The following RIPK4 variants were observed in gnomAD, a reference collection of about 807,000 sequenced individuals.
The protein encoded by RIPK4 is receptor-interacting serine/threonine-protein kinase 4.
In RIPK4, 17 loss-of-function variants were observed where a neutral mutation model predicts 42.9. The ratio of observed to expected loss-of-function variants is 0.40; its 90% CI spans 0.27 to 0.59. The LOEUF (loss-of-function observed/expected upper bound fraction) is 0.59. RIPK4 is among the 20% of genes least tolerant of loss of function. RIPK4 has a pLI of 0.47. For synonymous variants in RIPK4, 498 were observed against 499.1 expected (o/e 1.00, Z 0.03); for missense variants, 897 against 1,104.4 (o/e 0.81, Z 2.66).
chr21:41,749,324 C>A (rs2061181134), intron 3 of RIPK4, 121 bp from the exon 4 acceptor site: 4 of 905,418 alleles, frequency 4.4e-6, no homozygotes, highest in South Asian at 2.8e-5. Flanking sequence ...AGAGCCATGA[C>A]ACCGAGATAT....
At chr21:41,752,510 A>G (rs1408209328) in intron 2 of RIPK4, among the ~76,000 whole-genome samples, 2 of 152,146 alleles carry the variant, frequency 1.3e-5, no homozygotes, top group Non-Finnish European at 1.5e-5. Flanking sequence ...CCTCGACTCC[A>G]GCGGCTCTCA....
rs1164430461 is a variant in RIPK4 at position 41,756,615 on chromosome 21, G to A, written c.384C>T (p.Gly128=). 24 of 1,613,860 alleles carry A rather than the reference G, an allele frequency of 1.5e-5. No homozygotes were observed. The highest frequency in any genetic ancestry group is 1.9e-5 in the Non-Finnish European group (23 of 1,180,026). Residue 128 remains glycine, a synonymous_variant, in exon 2 of 8, where the codon GGC becomes GGT. Coordinates refer to ENST00000332512, the MANE Select transcript of RIPK4 (RefSeq NM_020639.3). ...RFRIIHETAV[G]MNFLHCMAPP... ...GGGCCATGCAGTGCAGGAAGTTCAT[G>A]CCCACCGCCGTCTCGTGGATGATTC...
rs531933391 is a variant in RIPK4, at chr21:41,755,726, T to C, written c.474+799A>G. Reference sequence around the variant, plus strand: ...TATCACCCTGGGCCTCCCAAGAGCATGTGAACATCACCACGTGGGGAAAAA... The same window carrying C: ...TATCACCCTGGGCCTCCCAAGAGCACGTGAACATCACCACGTGGGGAAAAA... On this transcript the variant is annotated intron_variant, in intron 2 of 7. Coordinates refer to ENST00000332512, the MANE Select transcript of RIPK4 (RefSeq NM_020639.3). The surrounding 1 kb of genome is among the most constrained non-coding windows in gnomAD (Gnocchi z 4.2). Among the ~76,000 whole-genome samples, 1 of 152,302 alleles carries C rather than the reference T, an allele frequency of 6.6e-6. No homozygotes were observed. The highest frequency in any genetic ancestry group is 2.4e-5 in the African/African-American group (1 of 41,554).
intron 2 of RIPK4, among the ~76,000 whole-genome samples, chr21:41,754,094 A>G (rs1601680978): frequency 6.6e-6 from 1 of 152,206 alleles, no homozygotes; most frequent in Admixed American, 6.5e-5. Context: ...GGCGAATGGC[A>G]GCACTGGAAT....
chr21:41,745,627 T>C (rs1377054790), intron 6 of RIPK4, 132 bp downstream of exon 6: 3 of 661,452 alleles, frequency 4.5e-6, no homozygotes, highest in Non-Finnish European at 8.0e-6. Flanking sequence ...TCTAATGGAG[T>C]TGGGTGCGGG....
intron 7 of RIPK4, among the ~76,000 whole-genome samples, chr21:41,743,532 G>A (rs972762917): frequency 2.0e-5 from 3 of 152,214 alleles, no homozygotes; most frequent in East Asian, 1.9e-4. Context: ...TGCCACGCCC[G>A]AGACAGGAGG....
chr21:41,744,084 G>T lies in RIPK4; in HGVS notation c.993C>A (p.Ser331Arg). 1.2e-6 allele frequency: 2 copies of T among 1,609,816 alleles called. No individual in the cohort carries two copies. The highest frequency in any genetic ancestry group is 1.7e-6 in the Non-Finnish European group (2 of 1,177,742). ...CCAGCTGTGAGAGCAGCTCGGAGAG[G>T]CTGTAGTCGTTATCGAAGGTGGGGG... is the stretch of plus-strand genomic sequence containing the variant. ...ASAPTFDNDY[S>R]LSELLSQLDS... Residue 331 changes from serine to arginine, a missense_variant, in exon 7 of 8, where the codon AGC (serine) becomes AGA (arginine). Transcript: ENST00000332512.
At chr21:41,759,800 C>CA (rs1297030784) in intron 1 of RIPK4, among the ~76,000 whole-genome samples, 1 of 152,216 alleles carries the variant, frequency 6.6e-6, no homozygotes, top group African/African-American at 2.4e-5. Flanking sequence ...CTTCCCTTAC[C>CA]ATAGTGAAAA....
In RIPK4 at chr21:41,740,486, A is replaced by G; in HGVS notation, c.*352T>C. 3.9e-6 allele frequency: 1 copy of G among 257,426 alleles called. No individual in the cohort carries two copies. The highest frequency in any genetic ancestry group is 7.3e-6 in the Non-Finnish European group (1 of 136,274). The allele number at this position is 257,426 out of a possible 1,614,324, so 15.9% of individuals were successfully genotyped here. A position where few individuals can be genotyped will look rare whatever the true frequency, so the allele number is the denominator to read the frequency against. Reference sequence around the variant, plus strand: ...CAAGACTGGTGAGCTCCAGCAACCCAAGGTGGCTCGCCTCAGGAGAGAGTG... The same window carrying G: ...CAAGACTGGTGAGCTCCAGCAACCCGAGGTGGCTCGCCTCAGGAGAGAGTG... On this transcript the variant is annotated 3_prime_UTR_variant, in exon 8 of 8. Transcript: ENST00000332512.
At chr21:41,752,086 T>C (rs144218476) in intron 2 of RIPK4, among the ~76,000 whole-genome samples, 1 of 152,224 alleles carries the variant, frequency 6.6e-6, no homozygotes, top group Non-Finnish European at 1.5e-5. Flanking sequence ...GCCAGTGTCC[T>C]ACCCTCTCCA....
At position 41,756,959 on chromosome 21, in the gene RIPK4, C is replaced by A. The variant is rs1432376776; in HGVS notation, c.183-143G>T. The A allele has an allele frequency of 1.0e-4, 82 of 817,100 alleles. 3 individuals are homozygous for A. In the South Asian group the frequency reaches 1.5e-3, roughly 15 times the overall value. 50.6% of individuals were successfully genotyped at this position (817,100 alleles called of 1,614,324 possible). A position where few individuals can be genotyped will look rare whatever the true frequency, so the allele number is the denominator to read the frequency against. On this transcript the variant is annotated intron_variant, in intron 1 of 7. Transcript: ENST00000332512. ...ACACATGGGGCACACTTCAATGTCA[C>A]ATCACGAATGCAGGGCTTTCCAGAG...
chr21:41,746,967 G>C, intron 4 of RIPK4, 196 bp from the exon 5 acceptor site: 1 of 598,896 alleles, frequency 1.7e-6, no homozygotes, highest in Non-Finnish European at 2.8e-6. Flanking sequence ...ATGCTCTCTA[G>C]TTTCCTGGTT....
intron 4 of RIPK4, among the ~76,000 whole-genome samples, chr21:41,747,213 G>A (rs1031480608): frequency 3.9e-5 from 6 of 152,278 alleles, no homozygotes; most frequent in African/African-American, 9.6e-5. Context: ...CTACAATGGC[G>A]AAGAAGTCTT....
At position 41,740,105 on chromosome 21, in the gene RIPK4, G is replaced by A. The variant is rs1457944678; in HGVS notation, c.*733C>T. 1 of 152,096 alleles carries A rather than the reference G, an allele frequency of 6.6e-6. No homozygotes were observed. The highest frequency in any genetic ancestry group is 2.4e-5 in the African/African-American group (1 of 41,400). The allele number at this position is 152,096 out of a possible 1,614,324, so 9.4% of individuals were successfully genotyped here. ...CAAAACATCTTAGGCAACGAGAAAC[G>A]AACGGCAGCTAGTACCATGTGGGCA... On this transcript the variant is annotated 3_prime_UTR_variant, in exon 8 of 8. Transcript: ENST00000332512.
chr21:41,763,052 G>A (rs941622888), intron 1 of RIPK4, among the ~76,000 whole-genome samples: 2 of 152,154 alleles, frequency 1.3e-5, no homozygotes, highest in Non-Finnish European at 1.5e-5. Context: ...CCTCTCCTTC[G>A]CTGCTGGTGA....
chr21:41,741,149 G>A lies in RIPK4; in HGVS notation c.2044C>T (p.His682Tyr). The A allele has an allele frequency of 1.9e-6, 3 of 1,612,870 alleles. No homozygotes were observed. Among genetic ancestry groups the A allele is most frequent in the Non-Finnish European group, 2.5e-6 (3 of 1,179,842 alleles). Residue 682 changes from histidine to tyrosine, a missense_variant, in exon 8 of 8, where the codon CAC becomes TAC. His to Tyr is a moderately conservative substitution (Grantham distance 83). Transcript: ENST00000332512. ...TALHLAARNGHLATVKLLVEE... is the reference protein window; with the variant it reads ...TALHLAARNGYLATVKLLVEE... ...ACAAGCAGCTTGACAGTGGCCAGGT[G>A]TCCGTTGCGGGCAGCCAGGTGCAGA...
chr21:41,759,241 G>T (rs1349138654), intron 1 of RIPK4, among the ~76,000 whole-genome samples: 1 of 152,036 alleles, frequency 6.6e-6, no homozygotes, highest in Non-Finnish European at 1.5e-5. Flanking sequence ...TGGGATTACA[G>T]GTGTGCCACA....
intron 7 of RIPK4, 28 bp downstream of exon 7, chr21:41,743,854 C>G (rs1238116926): frequency 6.4e-7 from 1 of 1,557,416 alleles, no homozygotes; most frequent in African/African-American, 1.4e-5. Context: ...CCCAGCATCT[C>G]TCGGGACACA....
In RIPK4 at chr21:41,756,747, C is replaced by T. The variant is rs138268998; in HGVS notation, c.252G>A (p.Val84=). 8.4e-4 allele frequency: 1,360 copies of T among 1,614,214 alleles called. 1 individual carries two copies. Among genetic ancestry groups the T allele is most frequent in the Non-Finnish European group, 1.1e-3 (1,266 of 1,180,038 alleles). Residue 84 remains valine (V), a synonymous_variant, in exon 2 of 8, where the codon GTG becomes GTA. Transcript: ENST00000332512. ...CGACAGGTTCGCGGCAGATGCCATA[C>T]ACAGGCAGGATGTAGCGAAACTTGG... The part of the protein sequence containing the change: ...EMAKFRYILP[V]YGICREPVGL...
Sources: allele counts gnomAD v4.1 joint callset (sites outside exome capture counted in the v4.1 genomes callset), GRCh38; gene constraint gnomAD v4.1.1; non-coding constraint Gnocchi (gnomAD v3.1); transcripts MANE v1.5; gene names NCBI Gene and HGNC (gene_info 2026-07-23, HGNC 2026-07-21).